The following TSPAN18 variants were observed in gnomAD, a reference collection of about 807,000 sequenced individuals.
TSPAN18 encodes tetraspanin-18.
Under a neutral mutation model 27.3 loss-of-function variants are expected in TSPAN18, and 14 were observed. The observed-to-expected ratio is 0.51, with a 90% CI of 0.34 to 0.80. The LOEUF is 0.80. Ranked by LOEUF, TSPAN18 falls within the 30% of genes least tolerant of loss-of-function variation. The probability of loss-of-function intolerance (pLI) is 0.01; values close to 1 mark genes in which losing one functional copy is unlikely to be tolerated. For synonymous variants in TSPAN18, 143 were observed against 136.5 expected (o/e 1.05, Z -0.33); for missense variants, 268 against 323.9 (o/e 0.83, Z 1.32).
At chr11:44,904,595 A>G (rs1025870114) in intron 3 of TSPAN18, among the ~76,000 whole-genome samples, 1 of 152,166 alleles carries the variant, frequency 6.6e-6, no homozygotes, top group African/African-American at 2.4e-5. Context: ...TCCTCTCTCC[A>G]TGGATTCAAA....
chr11:44,861,334 T>C (rs911930454), intron 3 of TSPAN18, among the ~76,000 whole-genome samples: 6 of 143,588 alleles, frequency 4.2e-5, no homozygotes, highest in Non-Finnish European at 7.6e-5. Context: ...ACCTGGAGGA[T>C]AAGATATGCT....
At position 44,772,634 on chromosome 11, in the gene TSPAN18, T is replaced by C. The variant is rs112765556; in HGVS notation, c.-153+8122T>C. 3.2e-3 allele frequency among the ~76,000 whole-genome samples: 494 copies of C among 152,308 alleles called. 2 individuals are homozygous for C. Among genetic ancestry groups the C allele is most frequent in the African/African-American group, 1.0e-2 (415 of 41,562 alleles). On this transcript the variant is annotated intron_variant, in intron 2 of 9. Transcript: ENST00000520358. ...GGTAATACACTGTATTGGGAGTTTC[T>C]GTATTATTTTGCATTGTTATTTATT...
intron 2 of TSPAN18, among the ~76,000 whole-genome samples, chr11:44,855,595 G>T (rs1857714540): frequency 6.6e-6 from 1 of 152,206 alleles, no homozygotes; most frequent in African/African-American, 2.4e-5. Flanking sequence ...CCACACAGTT[G>T]GTGACAGTGG....
intron 7 of TSPAN18, 61 bp downstream of exon 7, chr11:44,919,373 C>T: frequency 1.4e-6 from 2 of 1,385,238 alleles, no homozygotes; most frequent in Non-Finnish European, 1.0e-6. Context: ...TGTTCACATG[C>T]CCACGCCAGG....
intron 2 of TSPAN18, among the ~76,000 whole-genome samples, chr11:44,849,144 G>C (rs1398323008): frequency 6.6e-6 from 1 of 152,180 alleles, no homozygotes; most frequent in Non-Finnish European, 1.5e-5. Flanking sequence ...GGCAGCAGGG[G>C]GCAGGGGGGC....
intron 3 of TSPAN18, among the ~76,000 whole-genome samples, chr11:44,899,154 A>G (rs1034768534): frequency 1.3e-5 from 2 of 152,204 alleles, no homozygotes; most frequent in South Asian, 4.1e-4. Context: ...AATTCCCACT[A>G]AGTCAAGCTT....
At chr11:44,760,682 G>C (rs980849326) in intron 1 of TSPAN18, among the ~76,000 whole-genome samples, 14 of 152,188 alleles carry the variant, frequency 9.2e-5, no homozygotes, top group Admixed American at 2.6e-4. Context: ...GAAGAAAGAA[G>C]AGGAGGAAGA....
At chr11:44,788,966 G>A (rs984779412) in intron 2 of TSPAN18, among the ~76,000 whole-genome samples, 2 of 152,184 alleles carry the variant, frequency 1.3e-5, no homozygotes, top group Non-Finnish European at 2.9e-5. Flanking sequence ...ACACATCTAC[G>A]TGGGGTGCCT....
chr11:44,897,448 C>T (rs1407896102), intron 3 of TSPAN18, among the ~76,000 whole-genome samples: 6 of 152,198 alleles, frequency 3.9e-5, no homozygotes, highest in Non-Finnish European at 4.4e-5. Context: ...CCATCAGCCT[C>T]ATGTGCAGCC....
rs941741476 is a variant in TSPAN18 at position 44,853,872 on chromosome 11, G to A, written c.-152-6456G>A. On this transcript the variant is annotated intron_variant, in intron 2 of 9. Transcript: ENST00000520358. ...TGGGCCTCCCGGTTCTGTGTGGTGG[G>A]GACATCAGCCCAGAAGATTAATGAG... 3.9e-5 allele frequency among the ~76,000 whole-genome samples: 6 copies of A among 152,262 alleles called. No individual in the cohort carries two copies. The South Asian group carries it at 1.0e-3, about 26-fold the overall frequency.
At chr11:44,800,037 AG>A (rs1346905550) in intron 2 of TSPAN18, among the ~76,000 whole-genome samples, 4 of 53,286 alleles carry the variant, frequency 7.5e-5, no homozygotes, top group Non-Finnish European at 1.6e-4. Flanking sequence ...TTGTATTTTT[AG>A]TAGAGACAGG....
chr11:44,755,079 G>T (rs770288855), intron 1 of TSPAN18, among the ~76,000 whole-genome samples: 1 of 152,128 alleles, frequency 6.6e-6, no homozygotes, highest in African/African-American at 2.4e-5. Flanking sequence ...CAGTTGCATT[G>T]AGAATAAACA....
chr11:44,734,107 A>G (rs4755881), intron 1 of TSPAN18, among the ~76,000 whole-genome samples: 135,572 of 152,070 alleles, frequency 0.89, 61,041 homozygotes, highest in Non-Finnish European at 0.96. Context: ...CTCTCACCAC[A>G]TGATCTCTGC....
At chr11:44,903,490 A>C (rs1353526094) in intron 3 of TSPAN18, 2 of 456,490 alleles carry the variant, frequency 4.4e-6, no homozygotes, top group African/African-American at 4.0e-5. Context: ...GGGTTCCAGC[A>C]AGAGAGGGCT....
rs60030353 is a variant in TSPAN18, at chr11:44,775,051, G to A, written c.-153+10539G>A. Among the ~76,000 whole-genome samples, 1,251 of 152,252 alleles carry A rather than the reference G, an allele frequency of 8.2e-3. 13 individuals carry two copies. The highest frequency in any genetic ancestry group is 0.029 in the African/African-American group (1,191 of 41,524). On this transcript the variant is annotated intron_variant, in intron 2 of 9. Coordinates refer to ENST00000520358, the MANE Select transcript of TSPAN18 (RefSeq NM_130783.5). The stretch of plus-strand genomic sequence containing the variant: ...TTCCTTCCTGGGCATCACAGGGCTG[G>A]AGGGCCCCTACTGTTGGACACTCAG...
In TSPAN18 at chr11:44,813,143, C is replaced by T. The variant is rs553212758; in HGVS notation, c.-152-47185C>T. On this transcript the variant is annotated intron_variant, in intron 2 of 9. Transcript: ENST00000520358. ...TCCATTCCTGGCCTCAGCGGCCTGG[C>T]GCTTCTGTCTCCTGCAGGCCAGGCA... Among the ~76,000 whole-genome samples the T allele has an allele frequency of 4.7e-3, 715 of 152,330 alleles. 3 individuals are homozygous for T. Among genetic ancestry groups the T allele is most frequent in the Non-Finnish European group, 7.4e-3 (501 of 68,032 alleles).
intron 2 of TSPAN18, among the ~76,000 whole-genome samples, chr11:44,852,809 G>T (rs1199164728): frequency 6.6e-6 from 1 of 152,198 alleles, no homozygotes; most frequent in African/African-American, 2.4e-5. Flanking sequence ...TTTGTCAGGG[G>T]AAGGGGAAAG....
At chr11:44,837,996 A>G (rs1857297037) in intron 2 of TSPAN18, among the ~76,000 whole-genome samples, 1 of 152,202 alleles carries the variant, frequency 6.6e-6, no homozygotes, top group African/African-American at 2.4e-5. Flanking sequence ...TCACTGAGAT[A>G]TGCTTGTATC....
chr11:44,928,934 TCCATGACTCCA>T (rs1360572481), intron 9 of TSPAN18, among the ~76,000 whole-genome samples, 186 bp from the exon 10 acceptor site: 1 of 152,154 alleles, frequency 6.6e-6, no homozygotes, highest in African/African-American at 2.4e-5. Context: ...GTCTTCCTGG[TCCATGACTCCA>T]CCACATAAAG....
Sources: allele counts gnomAD v4.1 joint callset (sites outside exome capture counted in the v4.1 genomes callset), GRCh38; gene constraint gnomAD v4.1.1; transcripts MANE v1.5; gene names NCBI Gene and HGNC (gene_info 2026-07-23, HGNC 2026-07-21).